MBNL2: variants seen among roughly 807,000 people sequenced by gnomAD.
MBNL2 encodes the protein muscleblind like splicing regulator 2, also known as muscleblind-like protein 2.
A neutral mutation model predicts 41.9 loss-of-function variants in MBNL2; 17 were observed. That is an observed-to-expected ratio of 0.41 (90% CI 0.28 to 0.61). The LOEUF (loss-of-function observed/expected upper bound fraction) is 0.61. Among genes scored for constraint, MBNL2 ranks in the 20% least tolerant of loss-of-function variants. The pLI, the probability that MBNL2 is intolerant of heterozygous loss-of-function variation, is 0.35. For synonymous variants in MBNL2, 195 were observed against 182.9 expected, an observed-to-expected ratio of 1.07 and a Z score of -0.53; for missense variants, 336 against 505.6, an observed-to-expected ratio of 0.66 and a Z score of 3.22.
At chr13:97,391,105 C>A (rs75142027) in intron 8 of MBNL2, among the ~76,000 whole-genome samples, 1,770 of 152,268 alleles carry the variant, frequency 0.012, 38 homozygotes, top group African/African-American at 0.04. Flanking sequence ...GCATTTGAAT[C>A]ATCTTTCTTT....
intron 1 of MBNL2, among the ~76,000 whole-genome samples, chr13:97,237,609 T>A (rs2043521893): frequency 6.6e-6 from 1 of 152,144 alleles, no homozygotes; most frequent in Non-Finnish European, 1.5e-5. Context: ...ACATCTGACA[T>A]GGCCTTGAAG....
At chr13:97,221,796 C>A (rs2040883132), upstream of MBNL2, among the ~76,000 whole-genome samples, 1 of 152,182 alleles carries the variant, frequency 6.6e-6, no homozygotes, top group African/African-American at 2.4e-5. Flanking sequence ...TGTGCCAGAG[C>A]TATAAGCATG....
chr13:97,284,100 C>T (rs73557630), intron 2 of MBNL2, among the ~76,000 whole-genome samples: 1 of 152,232 alleles, frequency 6.6e-6, no homozygotes, highest in East Asian at 1.9e-4. Context: ...TTTCCTAGGG[C>T]TGTCACAACA....
At chr13:97,288,260 G>A (rs1566394032) in intron 2 of MBNL2, among the ~76,000 whole-genome samples, 1 of 152,122 alleles carries the variant, frequency 6.6e-6, no homozygotes, top group Admixed American at 6.5e-5. Context: ...TACTTGGACT[G>A]AAATCCACAC....
intron 2 of MBNL2, among the ~76,000 whole-genome samples, chr13:97,325,438 A>AT (rs1362385500): frequency 6.6e-6 from 1 of 152,210 alleles, no homozygotes; most frequent in Non-Finnish European, 1.5e-5. Flanking sequence ...TGCATTTAAA[A>AT]TTTTTTTAAA....
chr13:97,226,487 T>TTG (rs1015080323), intron 1 of MBNL2, among the ~76,000 whole-genome samples: 6 of 152,166 alleles, frequency 3.9e-5, no homozygotes, highest in African/African-American at 7.2e-5. Flanking sequence ...ATACCTGCCT[T>TTG]TGTGTGTGTG....
At chr13:97,264,177 GC>G (rs2049258237) in intron 1 of MBNL2, among the ~76,000 whole-genome samples, 1 of 151,544 alleles carries the variant, frequency 6.6e-6, no homozygotes, top group Admixed American at 6.6e-5. Flanking sequence ...ACAGGTTCCC[GC>G]CACCACGCCC....
At chr13:97,278,315 G>T (rs1462805169) in intron 2 of MBNL2, among the ~76,000 whole-genome samples, 1 of 116,340 alleles carries the variant, frequency 8.6e-6, no homozygotes, top group Non-Finnish European at 1.8e-5. Flanking sequence ...AAAGCTTCAA[G>T]ATATGAAAAC....
At chr13:97,381,143 A>T (rs1309277902) in intron 8 of MBNL2, among the ~76,000 whole-genome samples, 1 of 151,930 alleles carries the variant, frequency 6.6e-6, no homozygotes, top group Non-Finnish European at 1.5e-5. Context: ...CACACCACAC[A>T]CAGGCAAAGA....
chr13:97,147,116 A>G, the MBNL2 span, among the ~76,000 whole-genome samples: 1 of 152,220 alleles, frequency 6.6e-6, no homozygotes, highest in African/African-American at 2.4e-5. Flanking sequence ...GAAAAGGTTA[A>G]TGAACTACTA....
chr13:97,236,868 T>C (rs1260682574), intron 1 of MBNL2, among the ~76,000 whole-genome samples: 1 of 152,196 alleles, frequency 6.6e-6, no homozygotes, highest in African/African-American at 2.4e-5. Context: ...ATACAAAACA[T>C]CTCCTTGTTT....
At chr13:97,290,646 G>A (rs1033740730) in intron 2 of MBNL2, among the ~76,000 whole-genome samples, 3 of 143,894 alleles carry the variant, frequency 2.1e-5, no homozygotes, top group African/African-American at 7.8e-5. Flanking sequence ...ACTGCAGTCC[G>A]CAGTCTGGCC....
At chr13:97,234,530 G>C (rs1028522281) in intron 1 of MBNL2, among the ~76,000 whole-genome samples, 1 of 152,108 alleles carries the variant, frequency 6.6e-6, no homozygotes, top group Admixed American at 6.5e-5. Context: ...TGAAGGTAAA[G>C]TGTGGCGGGA....
chr13:97,180,538 C>T, the MBNL2 span, among the ~76,000 whole-genome samples: 1 of 151,878 alleles, frequency 6.6e-6, no homozygotes, highest in Non-Finnish European at 1.5e-5. Context: ...ACTTTGAGCC[C>T]AGCCTAGGCA....
At chr13:97,329,007 C>T (rs1425593933) in intron 2 of MBNL2, among the ~76,000 whole-genome samples, 1 of 152,106 alleles carries the variant, frequency 6.6e-6, no homozygotes, top group Admixed American at 6.5e-5. Flanking sequence ...TATCCCATGC[C>T]ATGTAATTTA....
the MBNL2 span, among the ~76,000 whole-genome samples, chr13:97,154,407 C>T: frequency 6.6e-6 from 1 of 152,082 alleles, no homozygotes; most frequent in African/African-American, 2.4e-5. Context: ...CTCCACCTCT[C>T]GGATTCAAGC....
chr13:97,387,839 G>C (rs2066053442), intron 8 of MBNL2, among the ~76,000 whole-genome samples: 1 of 152,126 alleles, frequency 6.6e-6, no homozygotes, highest in Non-Finnish European at 1.5e-5. Context: ...AAAATCAAGG[G>C]GATATATCTT....
the MBNL2 span, among the ~76,000 whole-genome samples, chr13:97,207,337 G>A: frequency 6.6e-6 from 1 of 152,138 alleles, no homozygotes; most frequent in African/African-American, 2.4e-5. Flanking sequence ...TGCTGATAAA[G>A]ACATACCCAA....
intron 1 of MBNL2, among the ~76,000 whole-genome samples, chr13:97,241,824 G>A (rs1206415393): frequency 1.3e-5 from 2 of 152,180 alleles, no homozygotes; most frequent in Admixed American, 6.5e-5. Context: ...AGAGTTAGGC[G>A]AGTTGGGTCT....
Sources: allele counts gnomAD v4.1 joint callset (sites outside exome capture counted in the v4.1 genomes callset), GRCh38; gene constraint gnomAD v4.1.1; transcripts MANE v1.5; gene names NCBI Gene and HGNC (gene_info 2026-07-23, HGNC 2026-07-21).